Variants in FOXP2 observed in about 807,000 individuals in gnomAD.
FOXP2 encodes forkhead box P2, also known as forkhead box protein P2.
FOXP2 carries 12 observed loss-of-function variants against 115.8 expected under a neutral mutation model. The observed-to-expected ratio is 0.10, with a 90% CI of 0.07 to 0.17. FOXP2 has a LOEUF of 0.17. Ranked by LOEUF, FOXP2 falls within the 10% of genes least tolerant of loss-of-function variation. The probability of loss-of-function intolerance (pLI) is 1.00; values close to 1 mark genes in which losing one functional copy is unlikely to be tolerated. For synonymous variants in FOXP2, 328 were observed against 297.7 expected (o/e 1.10, Z -1.05); for missense variants, 629 against 843.5 (o/e 0.75, Z 3.15).
intron 16 of FOXP2, among the ~76,000 whole-genome samples, chr7:114,676,980 C>T (rs1283420606): frequency 6.6e-6 from 1 of 152,002 alleles, no homozygotes; most frequent in African/African-American, 2.4e-5. Flanking sequence ...TCCAGGCCAA[C>T]ATGATGAAAT....
intron 2 of FOXP2, among the ~76,000 whole-genome samples, chr7:114,464,923 G>A (rs1271875542): frequency 6.6e-6 from 1 of 152,102 alleles, no homozygotes; most frequent in Non-Finnish European, 1.5e-5. Context: ...CCTTGATAGA[G>A]TAATACATGA....
chr7:114,355,885 T>A (rs1403679343), intron 2 of FOXP2, among the ~76,000 whole-genome samples: 1 of 152,190 alleles, frequency 6.6e-6, no homozygotes, highest in Non-Finnish European at 1.5e-5. Context: ...GGCCATTAGC[T>A]TTTCAGCATG....
chr7:114,124,963 T>C (rs1041064054), intron 1 of FOXP2, among the ~76,000 whole-genome samples: 1 of 152,082 alleles, frequency 6.6e-6, no homozygotes, highest in Non-Finnish European at 1.5e-5. Context: ...AACAAGAATA[T>C]AAGCATTAAA....
At chr7:114,475,476 G>A (rs1214342924) in intron 2 of FOXP2, among the ~76,000 whole-genome samples, 2 of 152,062 alleles carry the variant, frequency 1.3e-5, no homozygotes, top group East Asian at 3.9e-4. Flanking sequence ...GTTATATGGG[G>A]CCCCTTTGCG....
At chr7:114,435,339 G>C (rs980045628) in intron 2 of FOXP2, among the ~76,000 whole-genome samples, 1 of 152,038 alleles carries the variant, frequency 6.6e-6, no homozygotes, top group Admixed American at 6.6e-5. Context: ...GCAGAAAAAG[G>C]GTAGAAAGAA....
intron 6 of FOXP2, 79 bp from the exon 7 acceptor site, chr7:114,642,331 T>A: frequency 9.1e-7 from 1 of 1,104,396 alleles, no homozygotes; most frequent in Non-Finnish European, 1.3e-6. Flanking sequence ...TTGGTATTAA[T>A]CTATTAATAA....
At chr7:114,398,484 T>C (rs1200457156) in intron 2 of FOXP2, among the ~76,000 whole-genome samples, 1 of 152,104 alleles carries the variant, frequency 6.6e-6, no homozygotes, top group Non-Finnish European at 1.5e-5. Context: ...TACAAAAATA[T>C]AAAAATGGAC....
intron 13 of FOXP2, 149 bp from the exon 14 acceptor site, chr7:114,661,916 T>C: frequency 1.0e-6 from 1 of 965,396 alleles, no homozygotes; most frequent in Non-Finnish European, 1.5e-6. Context: ...AGTTTGAGGT[T>C]TGTAATATCA....
intron 3 of FOXP2, chr7:114,561,629 G>T (rs947648773): frequency 6.6e-6 from 1 of 152,070 alleles, no homozygotes; most frequent in African/African-American, 2.4e-5. Flanking sequence ...CACCTGTCAC[G>T]CGTGTACTTA....
intron 1 of FOXP2, among the ~76,000 whole-genome samples, chr7:114,097,150 A>G (rs936313488): frequency 2.0e-5 from 3 of 152,174 alleles, no homozygotes; most frequent in African/African-American, 4.8e-5. Flanking sequence ...GATTATTTCC[A>G]TATGGTAAAA....
intron 2 of FOXP2, among the ~76,000 whole-genome samples, chr7:114,360,414 A>G (rs1791719847): frequency 6.6e-6 from 1 of 152,140 alleles, no homozygotes; most frequent in South Asian, 2.1e-4. Context: ...ATAAAAAACA[A>G]CTAAGAAGTG....
At chr7:114,463,103 A>G (rs762382262) in intron 2 of FOXP2, 5 of 423,694 alleles carry the variant, frequency 1.2e-5, no homozygotes, top group Non-Finnish European at 2.4e-5. Context: ...ATCATAACTC[A>G]CTGCAACCTG....
At chr7:114,252,717 A>G (rs938631694) in intron 1 of FOXP2, among the ~76,000 whole-genome samples, 1 of 151,800 alleles carries the variant, frequency 6.6e-6, no homozygotes, top group Non-Finnish European at 1.5e-5. Context: ...CGTTCTATCA[A>G]TTTTGTCAAT....
intron 2 of FOXP2, among the ~76,000 whole-genome samples, chr7:114,364,462 CT>C (rs1306524415): frequency 2.6e-5 from 4 of 152,136 alleles, no homozygotes; most frequent in Non-Finnish European, 5.9e-5. Flanking sequence ...GAAAATAACC[CT>C]GAGCAAATGC....
chr7:114,470,238 G>C (rs974843068), intron 2 of FOXP2, among the ~76,000 whole-genome samples: 1 of 151,992 alleles, frequency 6.6e-6, no homozygotes, highest in Admixed American at 6.6e-5. Context: ...CAGTCTCTTT[G>C]TTATACCACA....
At chr7:114,311,317 C>T (rs1331572110) in intron 2 of FOXP2, among the ~76,000 whole-genome samples, 3 of 152,158 alleles carry the variant, frequency 2.0e-5, no homozygotes, top group Non-Finnish European at 4.4e-5. Flanking sequence ...AAAGGTCAGT[C>T]TTCCATAACT....
chr7:114,367,973 T>A (rs1791920349), intron 2 of FOXP2, among the ~76,000 whole-genome samples: 1 of 152,172 alleles, frequency 6.6e-6, no homozygotes, highest in Non-Finnish European at 1.5e-5. Flanking sequence ...AAAAATTAAG[T>A]ACTACACAGA....
At chr7:114,491,987 T>G (rs1262937105) in intron 2 of FOXP2, among the ~76,000 whole-genome samples, 6 of 152,228 alleles carry the variant, frequency 3.9e-5, no homozygotes, top group African/African-American at 1.2e-4. Flanking sequence ...CAAGGAATGG[T>G]ACCAGCTCCT....
At chr7:114,531,396 TATA>T (rs551191103) in intron 2 of FOXP2, among the ~76,000 whole-genome samples, 12 of 151,942 alleles carry the variant, frequency 7.9e-5, no homozygotes, top group Non-Finnish European at 1.6e-4. Context: ...TTTGAGTGGC[TATA>T]ATAATAAATT....
Sources: gnomAD v4.1 joint callset for allele counts (sites outside exome capture counted in the v4.1 genomes callset) on GRCh38, gnomAD v4.1.1 for gene constraint, MANE v1.5 for transcripts, NCBI Gene and HGNC (gene_info 2026-07-23, HGNC 2026-07-21) for gene names.